The following H2AZ2 variants were observed in gnomAD, a reference collection of about 807,000 sequenced individuals.
H2AZ2 encodes the protein histone H2A.V.
A neutral mutation model predicts 15.5 loss-of-function variants in H2AZ2; 5 were observed. The ratio of observed to expected loss-of-function variants is 0.32; its 90% CI spans 0.17 to 0.68. The LOEUF is 0.68. Ranked by LOEUF, H2AZ2 falls within the 30% of genes least tolerant of loss-of-function variation. The pLI is 0.72. For missense variants in H2AZ2, 42 were observed against 162.5 expected (o/e 0.26, Z 4.03); for synonymous variants, 44 against 57.4 (o/e 0.77, Z 1.05).
chr7:44,840,876 A>G, intron 3 of H2AZ2, 23 bp downstream of exon 3: 1 of 1,552,200 alleles, frequency 6.4e-7, no homozygotes, highest in Non-Finnish European at 8.9e-7. Flanking sequence ...ATGGCCATAT[A>G]CAACAGACAT....
At chr7:44,841,044 G>A (rs1176383794) in intron 2 of H2AZ2, 32 bp from the exon 3 acceptor site, 1 of 1,489,492 alleles carries the variant, frequency 6.7e-7, no homozygotes. Context: ...GGGAAGCACT[G>A]CAGAGTCTTA....
chr7:44,837,105 CA>C (rs959341468), intron 3 of H2AZ2, among the ~76,000 whole-genome samples: 1 of 151,624 alleles, frequency 6.6e-6, no homozygotes, highest in Admixed American at 6.6e-5. Flanking sequence ...GACTCCGTCT[CA>C]AAAAAAATAA....
At chr7:44,843,467 G>T in intron 1 of H2AZ2, 113 bp from the exon 2 acceptor site, 1 of 640,666 alleles carries the variant, frequency 1.6e-6, no homozygotes, top group Non-Finnish European at 2.8e-6. Flanking sequence ...CAATATGTAG[G>T]TGATCCCCTT....
At chr7:44,837,696 T>G (rs1336522716) in intron 3 of H2AZ2, among the ~76,000 whole-genome samples, 4 of 151,964 alleles carry the variant, frequency 2.6e-5, no homozygotes, top group Admixed American at 2.0e-4. Flanking sequence ...TTTTGCCATG[T>G]TGTCCAGGCT....
chr7:44,843,720 G>A (rs1259554367), intron 1 of H2AZ2, among the ~76,000 whole-genome samples: 2 of 152,102 alleles, frequency 1.3e-5, no homozygotes, highest in African/African-American at 2.4e-5. Context: ...CACCACACAT[G>A]GCTAATTTTT....
chr7:44,846,143 A>G (rs1793400734), intron 1 of H2AZ2, among the ~76,000 whole-genome samples: 1 of 152,078 alleles, frequency 6.6e-6, no homozygotes, highest in Admixed American at 6.6e-5. Context: ...CTGGATACTA[A>G]GACACTTTCA....
chr7:44,837,831 AGG>A (rs61670696), intron 3 of H2AZ2, among the ~76,000 whole-genome samples: 15 of 53,910 alleles, frequency 2.8e-4, no homozygotes, highest in South Asian at 6.5e-4. Flanking sequence ...TTTAAAAAAA[AGG>A]GGGGGGGGGC....
Position 44,832,352 on chromosome 7 carries a change from A to G in H2AZ2, c.*2149T>C, listed in dbSNP as rs114082898. On this transcript the variant is annotated 3_prime_UTR_variant, in exon 5 of 5. Transcript: ENST00000308153. ...TTTGAATGTCTCTGATCACACAGAC[A>G]TGAAAATACTATGCCTGTTAATGGG... Among the ~76,000 whole-genome samples the G allele has an allele frequency of 2.5e-3, 386 of 152,250 alleles. No individual in the cohort carries two copies. Among genetic ancestry groups the G allele is most frequent in the African/African-American group, 8.7e-3 (360 of 41,554 alleles).
chr7:44,842,022 G>A (rs960822780), intron 2 of H2AZ2, among the ~76,000 whole-genome samples: 2 of 152,206 alleles, frequency 1.3e-5, no homozygotes, highest in African/African-American at 4.8e-5. Flanking sequence ...AAGGCCAGCA[G>A]TGACATTTTA....
chr7:44,840,041 ATAAT>A (rs879407122), intron 3 of H2AZ2, among the ~76,000 whole-genome samples: 115 of 130,114 alleles, frequency 8.8e-4, no homozygotes, highest in African/African-American at 1.9e-3. Flanking sequence ...AAATAAATAA[ATAAT>A]TAGCCAGGTG....
At chr7:44,836,872 T>A (rs532648918) in intron 3 of H2AZ2, among the ~76,000 whole-genome samples, 1 of 151,384 alleles carries the variant, frequency 6.6e-6, no homozygotes. Flanking sequence ...GGCAGGCACC[T>A]GTAGTCCCAG....
exon 5 of H2AZ2, chr7:44,826,903 A>G (rs1792932974): frequency 6.6e-6 from 1 of 152,260 alleles, no homozygotes; most frequent in Non-Finnish European, 1.5e-5. Context: ...ACATCCATGA[A>G]AAAATCATGC....
At chr7:44,834,757 T>C (rs1416993472) in intron 4 of H2AZ2, among the ~76,000 whole-genome samples, 195 bp from the exon 5 acceptor site, 3 of 151,406 alleles carry the variant, frequency 2.0e-5, no homozygotes, top group Admixed American at 6.6e-5. Flanking sequence ...TGACTTTCCG[T>C]GCATTTTTTG....
chr7:44,842,399 T>G (rs1793294588), intron 2 of H2AZ2, among the ~76,000 whole-genome samples: 1 of 152,224 alleles, frequency 6.6e-6, no homozygotes, highest in Non-Finnish European at 1.5e-5. Flanking sequence ...GTTTCCAACT[T>G]CTGGACATTT....
In H2AZ2 at chr7:44,832,779, T is replaced by C. The variant is rs1464720634; in HGVS notation, c.*1722A>G. Among the ~76,000 whole-genome samples the C allele has an allele frequency of 1.3e-5, 2 of 151,928 alleles. No individual in the cohort carries two copies. The highest frequency in any genetic ancestry group is 3.9e-4 in the East Asian group (2 of 5,170). On this transcript the variant is annotated 3_prime_UTR_variant, in exon 5 of 5. Coordinates refer to ENST00000308153, the MANE Select transcript of H2AZ2 (RefSeq NM_012412.5). ...CCTGGGCAACATAGGGAGACCTCTG[T>C]CTCTTACATAAATAAAAAAAATTAG... is the stretch of plus-strand genomic sequence containing the variant.
At chr7:44,828,804 G>A (rs1792961701), downstream of H2AZ2, 1 of 152,174 alleles carries the variant, frequency 6.6e-6, no homozygotes, top group South Asian at 2.1e-4. Context: ...CTAAAATCAA[G>A]GCATCAGGTA....
At chr7:44,831,030 G>T (rs1479477981), downstream of H2AZ2, among the ~76,000 whole-genome samples, 2 of 152,168 alleles carry the variant, frequency 1.3e-5, no homozygotes, top group Non-Finnish European at 2.9e-5. Flanking sequence ...AGCCAGGCAT[G>T]GTGGCAGGCA....
chr7:44,835,441 A>T (rs1170799233), intron 4 of H2AZ2, 88 bp downstream of exon 4: 1 of 1,061,422 alleles, frequency 9.4e-7, no homozygotes, highest in East Asian at 2.5e-5. Context: ...CTTTCTAGTT[A>T]ACCGATCAAA....
intron 3 of H2AZ2, among the ~76,000 whole-genome samples, chr7:44,837,460 C>T (rs1345445759): frequency 7.1e-6 from 1 of 139,956 alleles, no homozygotes; most frequent in Non-Finnish European, 1.5e-5. Context: ...AAAAAGTTGA[C>T]TGCACCCACA....
Sources: allele counts gnomAD v4.1 joint callset (sites outside exome capture counted in the v4.1 genomes callset), GRCh38; gene constraint gnomAD v4.1.1; transcripts MANE v1.5; gene names NCBI Gene and HGNC (gene_info 2026-07-23, HGNC 2026-07-21).